Variants in FZD3 observed in about 807,000 individuals in gnomAD.
FZD3 encodes frizzled-3.
In FZD3, 30 loss-of-function variants were observed where a neutral mutation model predicts 60.7. The observed-to-expected ratio is 0.49, with a 90% CI of 0.37 to 0.67. The LOEUF is 0.67. Ranked by LOEUF, FZD3 falls within the 30% of genes least tolerant of loss-of-function variation. FZD3 has a pLI of 0.00. For synonymous variants in FZD3, 246 were observed against 275.2 expected, an observed-to-expected ratio of 0.89 and a Z score of 1.05; for missense variants, 605 against 838.7, an observed-to-expected ratio of 0.72 and a Z score of 3.44.
intron 1 of FZD3, among the ~76,000 whole-genome samples, chr8:28,496,981 C>T (rs971878361): frequency 6.6e-6 from 1 of 152,122 alleles, no homozygotes; most frequent in African/African-American, 2.4e-5. Context: ...AATTTCAGCC[C>T]ATTTTAAAGT....
chr8:28,509,632 A>G (rs1003261418), intron 3 of FZD3, among the ~76,000 whole-genome samples: 2 of 152,154 alleles, frequency 1.3e-5, no homozygotes, highest in Admixed American at 1.3e-4. Context: ...CTACCGTTTT[A>G]CTTTCTTTGC....
intron 6 of FZD3, among the ~76,000 whole-genome samples, chr8:28,552,758 G>A (rs1805436795): frequency 6.6e-6 from 1 of 151,912 alleles, no homozygotes; most frequent in Non-Finnish European, 1.5e-5. Context: ...AACAATTTCT[G>A]TTATACAAAT....
At chr8:28,495,395 G>A (rs3735725) in intron 1 of FZD3, among the ~76,000 whole-genome samples, 5,177 of 152,254 alleles carry the variant, frequency 0.034, 290 homozygotes, top group East Asian at 0.1. Flanking sequence ...CTGTTACGGG[G>A]AAGTGTTTAG....
At chr8:28,554,815 T>C (rs1269400388) in intron 6 of FZD3, among the ~76,000 whole-genome samples, 1 of 152,154 alleles carries the variant, frequency 6.6e-6, no homozygotes, top group Non-Finnish European at 1.5e-5. Flanking sequence ...TATGAGAATT[T>C]ATAATATATG....
chr8:28,512,630 A>G (rs1270769555), intron 3 of FZD3, among the ~76,000 whole-genome samples: 1 of 152,052 alleles, frequency 6.6e-6, no homozygotes, highest in African/African-American at 2.4e-5. Context: ...TTTTTTGCTC[A>G]GCTCCTGGTG....
At chr8:28,498,012 G>A (rs372905540) in intron 1 of FZD3, among the ~76,000 whole-genome samples, 1 of 152,176 alleles carries the variant, frequency 6.6e-6, no homozygotes, top group East Asian at 1.9e-4. Flanking sequence ...ATAATGGTTG[G>A]AAATATAAAA....
At chr8:28,562,506 A>G (rs1805630883) in intron 7 of FZD3, among the ~76,000 whole-genome samples, 1 of 152,194 alleles carries the variant, frequency 6.6e-6, no homozygotes, top group African/African-American at 2.4e-5. Context: ...TGAATGAGAA[A>G]GGTATCCATA....
At position 28,524,598 on chromosome 8, in the gene FZD3, A is replaced by G. The variant is rs368839121; in HGVS notation, c.387-2549A>G. ...TTATTTCTCAGACTGTTCCTTCTCA[A>G]TTTCCTTCTCGGATCCTCCTCTTTT... On this transcript the variant is annotated intron_variant, in intron 4 of 7. Transcript: ENST00000240093. Among the ~76,000 whole-genome samples, 5 of 151,956 alleles carry G rather than the reference A, an allele frequency of 3.3e-5. No homozygotes were observed. In the East Asian group the frequency reaches 7.7e-4, roughly 23 times the overall value.
In FZD3 at chr8:28,573,190, A is replaced by G. The variant is rs1805836028; in HGVS notation, c.*10179A>G. On this transcript the variant is annotated 3_prime_UTR_variant, in exon 8 of 8. Transcript: ENST00000240093. ...CTTCTATCCCCTAGTCATTCTTATC[A>G]ATACTTCCAAAATATAACCTATCTC... 1 of 152,144 alleles carries G rather than the reference A, an allele frequency of 6.6e-6. No homozygotes were observed. The highest frequency in any genetic ancestry group is 2.4e-5 in the African/African-American group (1 of 41,440). 9.4% of individuals were successfully genotyped at this position (152,144 alleles called of 1,614,324 possible). A position where few individuals can be genotyped will look rare whatever the true frequency, so the allele number is the denominator to read the frequency against.
Position 28,570,042 on chromosome 8 carries a change from G to T in FZD3, c.*7031G>T, listed in dbSNP as rs1320448332. On this transcript the variant is annotated 3_prime_UTR_variant, in exon 8 of 8. Transcript: ENST00000240093. The stretch of plus-strand genomic sequence containing the variant: ...AATTATTCTTAAACTGCATTCTTAG[G>T]TTTATTACATAAATATAGTTGCCAG... 6.6e-6 allele frequency: 1 copy of T among 152,166 alleles called. No individual in the cohort carries two copies. The allele number at this position is 152,166 out of a possible 1,614,324, so 9.4% of individuals were successfully genotyped here. A position where few individuals can be genotyped will look rare whatever the true frequency, so the allele number is the denominator to read the frequency against.
At chr8:28,545,920 G>C (rs1805283533) in intron 5 of FZD3, among the ~76,000 whole-genome samples, 1 of 152,138 alleles carries the variant, frequency 6.6e-6, no homozygotes, top group Admixed American at 6.5e-5. Flanking sequence ...TGGTCCCATA[G>C]GATTATAATG....
In FZD3 at chr8:28,538,630, C is replaced by T. The variant is rs183998230; in HGVS notation, c.1404+10466C>T. On this transcript the variant is annotated intron_variant, in intron 5 of 7. Coordinates refer to ENST00000240093, the MANE Select transcript of FZD3 (RefSeq NM_017412.4). ...GTATTTGGAGAGACATCATATAGTTCTGGCTATATCTCTAACTAGTTTTGT... is the reference window on the plus strand; with the variant it reads ...GTATTTGGAGAGACATCATATAGTTTTGGCTATATCTCTAACTAGTTTTGT... 5.7e-3 allele frequency among the ~76,000 whole-genome samples: 864 copies of T among 152,168 alleles called. 7 individuals carry two copies. Among genetic ancestry groups the T allele is most frequent in the Non-Finnish European group, 8.5e-3 (580 of 67,994 alleles).
At chr8:28,502,279 A>G (rs1359710339) in intron 2 of FZD3, among the ~76,000 whole-genome samples, 1 of 152,212 alleles carries the variant, frequency 6.6e-6, no homozygotes, top group Non-Finnish European at 1.5e-5. Flanking sequence ...ATTAAAACAC[A>G]TGCAATTTTA....
intron 3 of FZD3, among the ~76,000 whole-genome samples, chr8:28,506,250 C>T (rs1034274503): frequency 2.0e-5 from 3 of 152,110 alleles, no homozygotes; most frequent in East Asian, 1.9e-4. Context: ...TTGGCTAGGA[C>T]GGGAACAGAT....
At chr8:28,553,264 A>G (rs919180820) in intron 6 of FZD3, among the ~76,000 whole-genome samples, 39 of 152,230 alleles carry the variant, frequency 2.6e-4, no homozygotes, top group African/African-American at 8.2e-4. Flanking sequence ...GCATTTATTC[A>G]TTCTTTGAAA....
intron 3 of FZD3, among the ~76,000 whole-genome samples, chr8:28,519,561 C>G (rs1804517495): frequency 6.6e-6 from 1 of 151,932 alleles, no homozygotes; most frequent in Non-Finnish European, 1.5e-5. Context: ...GAGACCCTGT[C>G]TTTACAAAAA....
intron 7 of FZD3, among the ~76,000 whole-genome samples, chr8:28,562,337 T>C (rs1390995293): frequency 6.6e-6 from 1 of 152,130 alleles, no homozygotes; most frequent in African/African-American, 2.4e-5. Context: ...CAATTTCTCC[T>C]CTGATTTCAT....
intron 3 of FZD3, among the ~76,000 whole-genome samples, chr8:28,507,638 T>G (rs907896896): frequency 6.6e-6 from 1 of 152,222 alleles, no homozygotes; most frequent in Admixed American, 6.5e-5. Context: ...TACTTTCATA[T>G]ACAGTTTATA....
chr8:28,565,329 G>A lies in FZD3; in HGVS notation c.*2318G>A, dbSNP rs1485132326. On this transcript the variant is annotated 3_prime_UTR_variant, in exon 8 of 8. Transcript: ENST00000240093. ...TGAATTCCCTCATAACCGACAATTA[G>A]TAAACATTTTCTCTGAAAGCCAAAC... The A allele has an allele frequency of 6.6e-6, 1 of 152,100 alleles. No individual in the cohort carries two copies. The highest frequency in any genetic ancestry group is 1.5e-5 in the Non-Finnish European group (1 of 68,004). 9.4% of individuals were successfully genotyped at this position (152,100 alleles called of 1,614,324 possible).
Sources: allele counts gnomAD v4.1 joint callset (sites outside exome capture counted in the v4.1 genomes callset), GRCh38; gene constraint gnomAD v4.1.1; transcripts MANE v1.5; gene names NCBI Gene and HGNC (gene_info 2026-07-23, HGNC 2026-07-21).